Variants in GABRG1 observed in about 807,000 individuals in gnomAD.
GABRG1 encodes the protein gamma-aminobutyric acid receptor subunit gamma-1.
Under a neutral mutation model 49.8 loss-of-function variants are expected in GABRG1, and 49 were observed. That is an observed-to-expected ratio of 0.98 (90% CI 0.78 to 1.25). The LOEUF is 1.25. GABRG1 is among the 50% of genes most tolerant of loss of function. The pLI, the probability that GABRG1 is intolerant of heterozygous loss-of-function variation, is 0.00. For missense variants in GABRG1, 552 were observed against 552.3 expected (o/e 1.00, Z 0.01); for synonymous variants, 232 against 185.1 (o/e 1.25, Z -2.06).
chr4:46,122,497 T>G (rs989704217), intron 1 of GABRG1, among the ~76,000 whole-genome samples: 19 of 152,136 alleles, frequency 1.2e-4, no homozygotes, highest in African/African-American at 4.6e-4. Context: ...ATGTTTATGT[T>G]CGTGTCAAAC....
At chr4:46,090,462 T>C (rs1719939631) in intron 2 of GABRG1, among the ~76,000 whole-genome samples, 1 of 152,006 alleles carries the variant, frequency 6.6e-6, no homozygotes, top group African/African-American at 2.4e-5. Flanking sequence ...CTAGTTTATA[T>C]TTTAAGCATT....
intron 5 of GABRG1, among the ~76,000 whole-genome samples, chr4:46,060,035 C>T (rs1235158223): frequency 6.6e-6 from 1 of 152,082 alleles, no homozygotes; most frequent in Admixed American, 6.6e-5. Flanking sequence ...TACTTTGTAG[C>T]TGTCTAGAAC....
intron 3 of GABRG1, among the ~76,000 whole-genome samples, chr4:46,080,006 A>T (rs2109420132): frequency 6.6e-6 from 1 of 151,982 alleles, no homozygotes; most frequent in South Asian, 2.1e-4. Flanking sequence ...CTTCTTTCCA[A>T]GTTACTCTAT....
At chr4:46,063,097 G>T (rs1261416631) in intron 5 of GABRG1, among the ~76,000 whole-genome samples, 1 of 151,480 alleles carries the variant, frequency 6.6e-6, no homozygotes, top group East Asian at 1.9e-4. Context: ...TCCTGCCCAA[G>T]GTAATTTATA....
At chr4:46,111,503 A>C (rs149273914) in intron 1 of GABRG1, among the ~76,000 whole-genome samples, 50 of 151,496 alleles carry the variant, frequency 3.3e-4, no homozygotes, top group African/African-American at 1.2e-3. Context: ...TCTAAAATTC[A>C]TATGGAACAA....
chr4:46,077,561 G>A (rs936750503), intron 3 of GABRG1, among the ~76,000 whole-genome samples: 1 of 151,642 alleles, frequency 6.6e-6, no homozygotes, highest in African/African-American at 2.4e-5. Context: ...AACATCTTTA[G>A]AAGAAAATAG....
intron 8 of GABRG1, 94 bp downstream of exon 8, chr4:46,051,330 G>A (rs767553998): frequency 2.7e-5 from 25 of 910,894 alleles, no homozygotes; most frequent in Admixed American, 5.6e-5. Flanking sequence ...GGTCTCAAGC[G>A]TCCCTATTTC....
intron 3 of GABRG1, among the ~76,000 whole-genome samples, chr4:46,065,889 ATTT>A (rs1352796115): frequency 1.3e-5 from 2 of 151,902 alleles, no homozygotes; most frequent in African/African-American, 2.4e-5. Flanking sequence ...CGCCTGGCTA[ATTT>A]TTTGTATTTT....
At chr4:46,095,579 G>A (rs894920176) in intron 2 of GABRG1, among the ~76,000 whole-genome samples, 1 of 151,720 alleles carries the variant, frequency 6.6e-6, no homozygotes, top group African/African-American at 2.4e-5. Flanking sequence ...TAATAGACTG[G>A]CATTAGACTT....
intron 1 of GABRG1, among the ~76,000 whole-genome samples, chr4:46,105,279 A>G (rs779351102): frequency 1.1e-4 from 16 of 151,472 alleles, no homozygotes; most frequent in South Asian, 2.1e-4. Context: ...GCGAAAGAAA[A>G]TTAAAGTGAA....
At chr4:46,095,946 G>A (rs1029276447) in intron 2 of GABRG1, among the ~76,000 whole-genome samples, 33 of 151,826 alleles carry the variant, frequency 2.2e-4, no homozygotes, top group African/African-American at 7.2e-4. Context: ...TTACCCAATA[G>A]TTATCTTTTT....
At chr4:46,122,004 G>A (rs897936782) in intron 1 of GABRG1, among the ~76,000 whole-genome samples, 1 of 152,066 alleles carries the variant, frequency 6.6e-6, no homozygotes. Context: ...AATCATAGAT[G>A]TATTGAATGT....
chr4:46,077,784 A>T (rs1378108854), intron 3 of GABRG1, among the ~76,000 whole-genome samples: 1 of 151,744 alleles, frequency 6.6e-6, no homozygotes, highest in Non-Finnish European at 1.5e-5. Flanking sequence ...TAAATATATG[A>T]CAGACAAATA....
intron 2 of GABRG1, among the ~76,000 whole-genome samples, chr4:46,091,979 C>T (rs190246134): frequency 2.0e-5 from 3 of 151,922 alleles, no homozygotes; most frequent in Admixed American, 1.3e-4. Flanking sequence ...TGAAATGTGA[C>T]TTTTCAACAG....
chr4:46,046,761 G>C (rs2109394183), intron 8 of GABRG1, among the ~76,000 whole-genome samples: 1 of 152,042 alleles, frequency 6.6e-6, no homozygotes, highest in East Asian at 1.9e-4. Context: ...TATTACTTCT[G>C]GAACAACTGC....
intron 1 of GABRG1, among the ~76,000 whole-genome samples, chr4:46,117,228 AG>A (rs947434168): frequency 6.0e-5 from 9 of 150,556 alleles, no homozygotes; most frequent in African/African-American, 2.2e-4. Flanking sequence ...GTTGGAGAGC[AG>A]GGTCTATATT....
intron 1 of GABRG1, among the ~76,000 whole-genome samples, chr4:46,109,408 C>T (rs1391528061): frequency 6.6e-6 from 1 of 150,810 alleles, no homozygotes; most frequent in East Asian, 2.0e-4. Flanking sequence ...GATCTTCTCT[C>T]TCTCTTTTTC....
In GABRG1 at chr4:46,123,943, A is replaced by G. The variant is rs1394251843; in HGVS notation, c.-30T>C. 1 of 1,527,928 alleles carries G rather than the reference A, an allele frequency of 6.5e-7. No individual in the cohort carries two copies. 94.6% of individuals were successfully genotyped at this position (1,527,928 alleles called of 1,614,324 possible). A position where few individuals can be genotyped will look rare whatever the true frequency, so the allele number is the denominator to read the frequency against. On this transcript the variant is annotated 5_prime_UTR_variant, in exon 1 of 9. Coordinates refer to ENST00000295452, the MANE Select transcript of GABRG1 (RefSeq NM_173536.4). ...ATCGCTTTTTTACGTGTGCTGCACT[A>G]GCTCAATTCTCCCAGCCAGGACTTT...
Position 46,069,258 on chromosome 4 carries a change from T to C in GABRG1, c.322-3674A>G, listed in dbSNP as rs183584913. ...TGATCCTGATTTATTATTCCTATGT[T>C]GGCATTAATCTCTTCCAAAACTGTC... On this transcript the variant is annotated intron_variant, in intron 3 of 8. Coordinates refer to ENST00000295452, the MANE Select transcript of GABRG1 (RefSeq NM_173536.4). 5.3e-4 allele frequency among the ~76,000 whole-genome samples: 80 copies of C among 152,200 alleles called. 1 individual carries two copies. The highest frequency in any genetic ancestry group is 1.8e-3 in the African/African-American group (73 of 41,566).
Sources: gnomAD v4.1 joint callset for allele counts (sites outside exome capture counted in the v4.1 genomes callset) on GRCh38, gnomAD v4.1.1 for gene constraint, MANE v1.5 for transcripts, NCBI Gene and HGNC (gene_info 2026-07-23, HGNC 2026-07-21) for gene names.